The following ERC2 variants were observed in gnomAD, a reference collection of about 807,000 sequenced individuals.
ERC2 encodes the protein ELKS/RAB6-interacting/CAST family member 2.
Under a neutral mutation model 114.8 loss-of-function variants are expected in ERC2, and 42 were observed. That is an observed-to-expected ratio of 0.37 (90% confidence interval 0.29 to 0.47). The LOEUF (loss-of-function observed/expected upper bound fraction) is 0.47, where lower values mean the gene tolerates loss of function less well. Ranked by LOEUF, ERC2 falls within the 20% of genes least tolerant of loss-of-function variation. ERC2 has a pLI of 0.99. For missense variants in ERC2, 939 were observed against 1,150.7 expected, an observed-to-expected ratio of 0.82 and a Z score of 2.66; for synonymous variants, 454 against 425.5, an observed-to-expected ratio of 1.07 and a Z score of -0.82.
chr3:56,460,611 C>T (rs1307354110), intron 1 of ERC2, among the ~76,000 whole-genome samples: 1 of 152,228 alleles, frequency 6.6e-6, no homozygotes, highest in Non-Finnish European at 1.5e-5. Context: ...TGGTGCTCTT[C>T]ATATAACAGA....
chr3:56,405,191 C>G (rs956582819), intron 2 of ERC2, among the ~76,000 whole-genome samples: 1 of 152,158 alleles, frequency 6.6e-6, no homozygotes, highest in Non-Finnish European at 1.5e-5. Context: ...TGCCTGTAAT[C>G]CCAGCACCTT....
chr3:56,103,899 T>C (rs2149811074), intron 6 of ERC2, among the ~76,000 whole-genome samples: 1 of 152,220 alleles, frequency 6.6e-6, no homozygotes, highest in East Asian at 1.9e-4. Flanking sequence ...GGTGAGAAGA[T>C]ACAGAATAGC....
chr3:55,768,189 G>A (rs1182385261), intron 14 of ERC2, among the ~76,000 whole-genome samples: 3 of 152,166 alleles, frequency 2.0e-5, no homozygotes, highest in Non-Finnish European at 4.4e-5. Context: ...CCTCTTTTCT[G>A]TATAAATTAC....
intron 7 of ERC2, among the ~76,000 whole-genome samples, chr3:56,038,944 G>T (rs1387991952): frequency 6.6e-6 from 1 of 152,178 alleles, no homozygotes; most frequent in Non-Finnish European, 1.5e-5. Flanking sequence ...AGGTGGTGGG[G>T]GTTGGGAGAA....
At chr3:55,566,899 C>T (rs966136757) in intron 17 of ERC2, among the ~76,000 whole-genome samples, 4 of 152,100 alleles carry the variant, frequency 2.6e-5, no homozygotes, top group African/African-American at 7.2e-5. Flanking sequence ...CAAGGTTTCA[C>T]CATGCTGGCC....
chr3:56,032,971 AAGAAAGAG>A (rs1560057189), intron 7 of ERC2, among the ~76,000 whole-genome samples: 1 of 85,708 alleles, frequency 1.2e-5, no homozygotes, highest in East Asian at 3.0e-4. Flanking sequence ...GAAAGAAAGA[AAGAAAGAG>A]AAAGAAAGAA....
At chr3:55,624,746 C>T (rs1401831778) in intron 17 of ERC2, among the ~76,000 whole-genome samples, 1 of 152,116 alleles carries the variant, frequency 6.6e-6, no homozygotes. Flanking sequence ...AAGGTCTGCT[C>T]ATCCCAAAGT....
chr3:56,050,075 C>T (rs561650559), intron 7 of ERC2, among the ~76,000 whole-genome samples: 1 of 152,204 alleles, frequency 6.6e-6, no homozygotes, highest in East Asian at 1.9e-4. Flanking sequence ...TGCAAAGGGG[C>T]ATGAGGGAAT....
At chr3:55,616,163 C>CA (rs1179930097) in intron 17 of ERC2, among the ~76,000 whole-genome samples, 1 of 152,102 alleles carries the variant, frequency 6.6e-6, no homozygotes, top group Non-Finnish European at 1.5e-5. Context: ...GACACTATGG[C>CA]AAAAGAGTTT....
intron 17 of ERC2, among the ~76,000 whole-genome samples, chr3:55,654,728 G>A (rs2060783453): frequency 6.6e-6 from 1 of 152,354 alleles, no homozygotes; most frequent in Non-Finnish European, 1.5e-5. Flanking sequence ...GAGACCGGAG[G>A]CATGTGTTGG....
chr3:56,387,272 T>A (rs1244892590), intron 2 of ERC2, among the ~76,000 whole-genome samples: 2 of 152,208 alleles, frequency 1.3e-5, no homozygotes, highest in Non-Finnish European at 2.9e-5. Context: ...TTGTTATTAT[T>A]GTTATAGAGC....
chr3:56,360,160 G>T (rs531820254), intron 2 of ERC2, among the ~76,000 whole-genome samples: 146 of 150,880 alleles, frequency 9.7e-4, no homozygotes, highest in African/African-American at 3.3e-3. Flanking sequence ...CGCCTCCTGG[G>T]TTTACGCCAT....
At position 56,426,857 on chromosome 3, in the gene ERC2, C is replaced by T. The variant is rs148406314; in HGVS notation, c.657+7494G>A. 1.9e-3 allele frequency among the ~76,000 whole-genome samples: 293 copies of T among 152,188 alleles called. 2 individuals are homozygous for T. Among genetic ancestry groups the T allele is most frequent in the Non-Finnish European group, 3.4e-3 (228 of 67,998 alleles). ...TTATTGCAGCAGTAGCTGCCTAATA[C>T]GTAGGTGCTTAGTTTAAGTTTTGGC... On this transcript the variant is annotated intron_variant, in intron 2 of 17. Transcript: ENST00000288221.
At chr3:56,385,961 T>C (rs2059918907) in intron 2 of ERC2, among the ~76,000 whole-genome samples, 1 of 152,160 alleles carries the variant, frequency 6.6e-6, no homozygotes, top group Non-Finnish European at 1.5e-5. Flanking sequence ...ACTGTAAACT[T>C]GGATCTTTGC....
chr3:56,361,451 A>T (rs1428295421), intron 2 of ERC2, among the ~76,000 whole-genome samples: 1 of 152,190 alleles, frequency 6.6e-6, no homozygotes, highest in Non-Finnish European at 1.5e-5. Context: ...AAGTAAGAAA[A>T]AGCGAGAGAA....
At chr3:56,274,675 A>G (rs1322389708) in intron 3 of ERC2, among the ~76,000 whole-genome samples, 1 of 152,168 alleles carries the variant, frequency 6.6e-6, no homozygotes, top group Non-Finnish European at 1.5e-5. Context: ...CCTTTATTAT[A>G]TATTATTTAA....
intron 3 of ERC2, among the ~76,000 whole-genome samples, chr3:56,277,080 T>A (rs148448617): frequency 5.5e-4 from 84 of 152,296 alleles, no homozygotes; most frequent in Non-Finnish European, 9.6e-4. Flanking sequence ...CATCTCAGTG[T>A]CCCCTTCAAG....
At chr3:56,156,266 G>A (rs1317729482) in intron 4 of ERC2, among the ~76,000 whole-genome samples, 5 of 152,142 alleles carry the variant, frequency 3.3e-5, no homozygotes, top group African/African-American at 1.2e-4. Context: ...AGGAGTCAAA[G>A]GTTTGAAGAG....
intron 17 of ERC2, among the ~76,000 whole-genome samples, chr3:55,598,300 A>C (rs1308163915): frequency 6.6e-6 from 1 of 152,230 alleles, no homozygotes; most frequent in African/African-American, 2.4e-5. Context: ...TCATTGACTC[A>C]AAATCAGCTG....
Sources: gnomAD v4.1 joint callset for allele counts (sites outside exome capture counted in the v4.1 genomes callset) on GRCh38, gnomAD v4.1.1 for gene constraint, MANE v1.5 for transcripts, NCBI Gene and HGNC (gene_info 2026-07-23, HGNC 2026-07-21) for gene names.